Variants in KLHL6 observed in about 807,000 individuals in gnomAD.
KLHL6 encodes kelch like family member 6, also known as kelch-like protein 6.
In KLHL6, 41 loss-of-function variants were observed where a neutral mutation model predicts 58.6. The ratio of observed to expected loss-of-function variants is 0.70; its 90% CI spans 0.55 to 0.91. The LOEUF (loss-of-function observed/expected upper bound fraction) is 0.91, where lower values mean the gene tolerates loss of function less well. Ranked by LOEUF, KLHL6 falls within the 40% of genes least tolerant of loss-of-function variation. The probability of loss-of-function intolerance (pLI) is 0.00; values close to 1 mark genes in which losing one functional copy is unlikely to be tolerated. For synonymous variants in KLHL6, 338 were observed against 322.7 expected (o/e 1.05, Z -0.51); for missense variants, 714 against 805.6 (o/e 0.89, Z 1.38).
intron 2 of KLHL6, among the ~76,000 whole-genome samples, chr3:183,519,766 C>T (rs759123924): frequency 2.6e-5 from 4 of 151,394 alleles, no homozygotes; most frequent in Non-Finnish European, 4.4e-5. Context: ...CATAGTGGTG[C>T]ATGGCTATAT....
intron 1 of KLHL6, among the ~76,000 whole-genome samples, chr3:183,554,551 C>T (rs920640496): frequency 6.6e-6 from 1 of 152,150 alleles, no homozygotes; most frequent in Non-Finnish European, 1.5e-5. Context: ...TAACTAGAGG[C>T]CTCTCCCATC....
At chr3:183,541,766 G>T (rs1712561710) in intron 1 of KLHL6, among the ~76,000 whole-genome samples, 1 of 152,206 alleles carries the variant, frequency 6.6e-6, no homozygotes, top group Non-Finnish European at 1.5e-5. Flanking sequence ...GATAAGAGAG[G>T]GGAACATATT....
intron 1 of KLHL6, among the ~76,000 whole-genome samples, chr3:183,547,557 T>C (rs1712767614): frequency 6.6e-6 from 1 of 152,238 alleles, no homozygotes; most frequent in African/African-American, 2.4e-5. Flanking sequence ...TGACTATTTA[T>C]TATATTGCTA....
chr3:183,534,167 C>CTTTGTACTTTTAAAGTACTTTTAAA (rs1560107136), intron 1 of KLHL6, among the ~76,000 whole-genome samples: 2 of 15,070 alleles, frequency 1.3e-4, no homozygotes, highest in African/African-American at 5.7e-4. Context: ...CTTTAAAAGA[C>CTTTGTACTTTTAAAGTACTTTTAAA]ATTACTTTAA....
At chr3:183,550,032 C>T (rs561403075) in intron 1 of KLHL6, among the ~76,000 whole-genome samples, 251 of 151,804 alleles carry the variant, frequency 1.7e-3, no homozygotes, top group African/African-American at 5.8e-3. Context: ...AAAATATAAA[C>T]CTCAAAGAGA....
In KLHL6 at chr3:183,491,152, C is replaced by T. The variant is rs1484559513; in HGVS notation, c.*775G>A. The T allele has an allele frequency of 2.0e-5, 3 of 152,098 alleles. No homozygotes were observed. The highest frequency in any genetic ancestry group is 1.3e-4 in the Admixed American group (2 of 15,266). The allele number at this position is 152,098 out of a possible 1,614,324, so 9.4% of individuals were successfully genotyped here. On this transcript the variant is annotated 3_prime_UTR_variant, in exon 7 of 7. Transcript: ENST00000341319. ...AAGACAGAGCTTCACTTTTGTTTCC[C>T]GGGCTGCAGTGCAGTGTGGCGATCT...
intron 2 of KLHL6, among the ~76,000 whole-genome samples, chr3:183,512,963 A>G (rs746810806): frequency 3.2e-4 from 48 of 152,150 alleles, no homozygotes; most frequent in Non-Finnish European, 5.1e-4. Context: ...AGAAATACCT[A>G]CCTAAAATAG....
chr3:183,511,461 G>A (rs369028342), intron 2 of KLHL6, among the ~76,000 whole-genome samples: 4 of 152,168 alleles, frequency 2.6e-5, no homozygotes, highest in Non-Finnish European at 5.9e-5. Flanking sequence ...AACTGCAAGG[G>A]ACTTTCCTCT....
At position 183,555,442 on chromosome 3, in the gene KLHL6, A is replaced by T; in HGVS notation, c.212T>A (p.Leu71Gln). 6.2e-7 allele frequency: 1 copy of T among 1,614,178 alleles called. No homozygotes were observed. The highest frequency in any genetic ancestry group is 8.5e-7 in the Non-Finnish European group (1 of 1,179,994). ...GTCCACACACAAGATGACATCTGTC[A>T]GAGCGTTTTCCATTCGCAGGGTTTC... ...GLETLRMENA[L>Q]TDVILCVDIQ... The change falls in exon 1 of 7, where the codon CTG (leucine) becomes CAG (glutamine). Residue 71 changes from leucine (L) to glutamine (Q), a missense_variant. By Grantham distance (113) the Leu-to-Gln change is moderately radical (BLOSUM62 -2). Coordinates refer to ENST00000341319, the MANE Select transcript of KLHL6 (RefSeq NM_130446.4).
At chr3:183,522,381 A>T (rs940249389) in intron 2 of KLHL6, 3 of 152,198 alleles carry the variant, frequency 2.0e-5, no homozygotes, top group African/African-American at 7.2e-5. Context: ...TGTCATGTGG[A>T]CCCAGTAGAC....
intron 1 of KLHL6, among the ~76,000 whole-genome samples, chr3:183,538,132 G>A (rs746383116): frequency 7.9e-5 from 12 of 152,100 alleles, no homozygotes; most frequent in Non-Finnish European, 1.2e-4. Context: ...TCACACTCCC[G>A]AGTCCAGGGC....
chr3:183,514,817 C>G (rs976761576), intron 2 of KLHL6, among the ~76,000 whole-genome samples: 3 of 151,896 alleles, frequency 2.0e-5, no homozygotes, highest in African/African-American at 2.4e-5. Context: ...TACAGGGGCA[C>G]GCCACCACAC....
intron 1 of KLHL6, among the ~76,000 whole-genome samples, chr3:183,545,753 G>C (rs997728608): frequency 6.6e-6 from 1 of 152,212 alleles, no homozygotes; most frequent in African/African-American, 2.4e-5. Flanking sequence ...TCTGTATGCA[G>C]GTGGTCACAT....
intron 3 of KLHL6, among the ~76,000 whole-genome samples, chr3:183,502,892 A>G (rs1459218556): frequency 3.9e-5 from 6 of 152,206 alleles, no homozygotes; most frequent in Non-Finnish European, 8.8e-5. Context: ...AACTAACACA[A>G]TCATCTAGCT....
intron 2 of KLHL6, among the ~76,000 whole-genome samples, chr3:183,523,486 CT>C (rs1711841818): frequency 6.6e-6 from 1 of 152,196 alleles, no homozygotes; most frequent in African/African-American, 2.4e-5. Flanking sequence ...CAGCATCCCC[CT>C]TTTTCCTCAC....
chr3:183,535,724 T>A (rs1450012295), intron 1 of KLHL6, among the ~76,000 whole-genome samples: 1 of 152,204 alleles, frequency 6.6e-6, no homozygotes, highest in Non-Finnish European at 1.5e-5. Flanking sequence ...TGACATATTA[T>A]TGGGCTCTCT....
In KLHL6 at chr3:183,499,599, A is replaced by G; in HGVS notation, c.1138T>C (p.Tyr380His). The G allele has an allele frequency of 6.3e-7, 1 of 1,595,854 alleles. No individual in the cohort carries two copies. Among genetic ancestry groups the G allele is most frequent in the African/African-American group, 1.3e-5 (1 of 74,792 alleles). ...CATGACTCCTGCTTACCTGAGATGTAGACCTCATTTTTCAATGTCACGCAT... is the reference window on the plus strand; with the variant it reads ...CATGACTCCTGCTTACCTGAGATGTGGACCTCATTTTTCAATGTCACGCAT... ...FACVTLKNEV[Y>H]ISGGKETQHD... The change falls in exon 4 of 7, where the codon TAC (tyrosine) becomes CAC (histidine). Residue 380 changes from tyrosine to histidine, a missense_variant. Tyr to His is a moderately conservative substitution (Grantham distance 83). Around this residue, in one of 2 missense-constraint regions of KLHL6, gnomAD observed 510 missense variants for 629.7 expected, o/e 0.81. Coordinates refer to ENST00000341319, the MANE Select transcript of KLHL6 (RefSeq NM_130446.4). This position sits in a 1 kb window ranked among gnomAD's most constrained non-coding sequence, Gnocchi z 4.6.
At chr3:183,521,577 C>A (rs1170674030) in intron 2 of KLHL6, 1 of 152,284 alleles carries the variant, frequency 6.6e-6, no homozygotes, top group Non-Finnish European at 1.5e-5. Context: ...CGCACAGGAC[C>A]ACAGGAGTCA....
intron 1 of KLHL6, among the ~76,000 whole-genome samples, chr3:183,532,675 G>A (rs1712199714): frequency 6.6e-6 from 1 of 152,204 alleles, no homozygotes; most frequent in African/African-American, 2.4e-5. Flanking sequence ...GGCATGAAGA[G>A]AAACTAGCAG....
Sources: gnomAD v4.1 joint callset for allele counts (sites outside exome capture counted in the v4.1 genomes callset) on GRCh38, gnomAD v4.1.1 for gene constraint, gnomAD v4.1.1 regional missense constraint, Gnocchi (gnomAD v3.1) non-coding constraint, MANE v1.5 for transcripts, NCBI Gene and HGNC (gene_info 2026-07-23, HGNC 2026-07-21) for gene names.